Variants in CTNNA2 observed in about 807,000 individuals in gnomAD.
The protein encoded by CTNNA2 is catenin alpha-2.
CTNNA2 carries 42 observed loss-of-function variants against 101.0 expected under a neutral mutation model. The observed-to-expected ratio is 0.42, with a 90% confidence interval of 0.32 to 0.54. The LOEUF (loss-of-function observed/expected upper bound fraction) is 0.54, where lower values mean the gene tolerates loss of function less well. Among genes scored for constraint, CTNNA2 ranks in the 20% least tolerant of loss-of-function variants. The pLI is 0.14. For synonymous variants in CTNNA2, 450 were observed against 456.4 expected, an observed-to-expected ratio of 0.99 and a Z score of 0.18; for missense variants, 871 against 1,223.1, an observed-to-expected ratio of 0.71 and a Z score of 4.29.
At chr2:79,758,703 T>G (rs542907259) in intron 3 of CTNNA2, among the ~76,000 whole-genome samples, 5 of 152,320 alleles carry the variant, frequency 3.3e-5, no homozygotes, top group African/African-American at 9.6e-5. Flanking sequence ...GAAATTTGGT[T>G]TCCTGTTCCT....
intron 9 of CTNNA2, among the ~76,000 whole-genome samples, chr2:80,493,536 A>G (rs1189678962): frequency 6.6e-6 from 1 of 152,204 alleles, no homozygotes; most frequent in Non-Finnish European, 1.5e-5. Flanking sequence ...GACACTCACT[A>G]GCAGAATTCT....
At chr2:79,902,736 C>A (rs1479387816) in intron 6 of CTNNA2, among the ~76,000 whole-genome samples, 1 of 151,890 alleles carries the variant, frequency 6.6e-6, no homozygotes, top group East Asian at 1.9e-4. Context: ...AAGCAATTCT[C>A]CTGCCTCAGC....
intron 3 of CTNNA2, among the ~76,000 whole-genome samples, chr2:79,818,798 A>T: frequency 8.0e-6 from 1 of 125,088 alleles, no homozygotes; most frequent in African/African-American, 3.2e-5. Context: ...TCTGTATCAT[A>T]TACTTCAGGA....
intron 9 of CTNNA2, among the ~76,000 whole-genome samples, chr2:80,489,487 C>A (rs1391755064): frequency 6.6e-6 from 1 of 152,084 alleles, no homozygotes; most frequent in Non-Finnish European, 1.5e-5. Flanking sequence ...AGTAGATCAT[C>A]CTGAACATAT....
At chr2:80,591,455 C>CTTTTTTTTTTT (rs1553401282) in intron 15 of CTNNA2, among the ~76,000 whole-genome samples, 5 of 57,580 alleles carry the variant, frequency 8.7e-5, no homozygotes, top group African/African-American at 3.0e-4. Flanking sequence ...TCTGCACAGC[C>CTTTTTTTTTTT]TGTTTTTTTT....
At chr2:80,045,438 G>C (rs1441019847) in intron 7 of CTNNA2, among the ~76,000 whole-genome samples, 1 of 152,048 alleles carries the variant, frequency 6.6e-6, no homozygotes, top group Non-Finnish European at 1.5e-5. Context: ...TACCACAAGG[G>C]GTAACTCTTT....
At position 80,208,867 on chromosome 2, in the gene CTNNA2, G is replaced by A. The variant is rs79443777; in HGVS notation, c.1057-184344G>A. 4.8e-3 allele frequency among the ~76,000 whole-genome samples: 735 copies of A among 152,256 alleles called. 4 individuals carry two copies. Among genetic ancestry groups the A allele is most frequent in the African/African-American group, 0.016 (683 of 41,542 alleles). On this transcript the variant is annotated intron_variant, in intron 7 of 18. Transcript: ENST00000402739. The stretch of plus-strand genomic sequence containing the variant: ...TTATGCAAAGCCCCTGATGTTAATT[G>A]AAATATACCTAGGAGCATTTACACT...
At chr2:79,616,434 T>A (rs1240926984) in intron 1 of CTNNA2, among the ~76,000 whole-genome samples, 2 of 152,186 alleles carry the variant, frequency 1.3e-5, no homozygotes, top group African/African-American at 4.8e-5. Flanking sequence ...TTAAAGAATG[T>A]TAGTCTTGTT....
At chr2:79,671,210 A>T (rs1682813348) in intron 2 of CTNNA2, among the ~76,000 whole-genome samples, 1 of 152,264 alleles carries the variant, frequency 6.6e-6, no homozygotes, top group Admixed American at 6.5e-5. Flanking sequence ...AATGTGTTAA[A>T]ATGTTACAAG....
At position 79,373,175 on chromosome 2, in the gene CTNNA2, C is replaced by G. The variant is rs1573133340; in HGVS notation, c.-317-656C>G. 2.6e-5 allele frequency among the ~76,000 whole-genome samples: 4 copies of G among 152,232 alleles called. No homozygotes were observed. In the East Asian group the frequency reaches 7.7e-4, roughly 29 times the overall value. On this transcript the variant is annotated intron_variant, in intron 3 of 21. Transcript: ENST00000466387. ...ATTTTATTTTTTAGCTATCACAGCT[C>G]AAAACTAAATGTAGACGTGTGACTC...
intron 2 of CTNNA2, among the ~76,000 whole-genome samples, chr2:79,278,644 A>G (rs999908716): frequency 6.6e-6 from 1 of 152,118 alleles, no homozygotes; most frequent in East Asian, 1.9e-4. Flanking sequence ...ATTTAGATAT[A>G]AAATAAGCAT....
intron 4 of CTNNA2, among the ~76,000 whole-genome samples, chr2:79,502,479 C>T (rs1396228988): frequency 4.6e-5 from 7 of 152,120 alleles, no homozygotes; most frequent in Non-Finnish European, 1.0e-4. Context: ...CATAACACTC[C>T]CTTCATTCAG....
At chr2:80,392,049 C>G (rs926966211) in intron 7 of CTNNA2, among the ~76,000 whole-genome samples, 1 of 152,204 alleles carries the variant, frequency 6.6e-6, no homozygotes, top group Non-Finnish European at 1.5e-5. Context: ...AGAGTGACTA[C>G]TTTAAACCCA....
At chr2:80,271,639 G>A (rs1272737793) in intron 7 of CTNNA2, among the ~76,000 whole-genome samples, 1 of 152,036 alleles carries the variant, frequency 6.6e-6, no homozygotes, top group Non-Finnish European at 1.5e-5. Context: ...AGCCAGGATG[G>A]TCTCGATCTC....
intron 7 of CTNNA2, among the ~76,000 whole-genome samples, chr2:80,344,765 T>C (rs1465526895): frequency 3.3e-5 from 5 of 152,180 alleles, no homozygotes; most frequent in Non-Finnish European, 5.9e-5. Flanking sequence ...AGATTACAGG[T>C]GTGAGCCACA....
intron 7 of CTNNA2, among the ~76,000 whole-genome samples, chr2:80,384,724 A>G (rs1287629323): frequency 1.3e-5 from 2 of 151,976 alleles, no homozygotes; most frequent in Non-Finnish European, 2.9e-5. Context: ...ATTAAGATTT[A>G]GAGCTGGGTC....
chr2:79,497,238 C>T (rs1314607311), intron 4 of CTNNA2, among the ~76,000 whole-genome samples: 1 of 152,198 alleles, frequency 6.6e-6, no homozygotes, highest in African/African-American at 2.4e-5. Flanking sequence ...GCCCAGCTCA[C>T]AACGTCTCTC....
At chr2:80,617,873 G>A (rs1256877238) in intron 17 of CTNNA2, among the ~76,000 whole-genome samples, 2 of 151,792 alleles carry the variant, frequency 1.3e-5, no homozygotes, top group African/African-American at 4.8e-5. Flanking sequence ...ACAGGCTTTG[G>A]TTTTTAGCCA....
chr2:80,201,239 C>A (rs923199849), intron 7 of CTNNA2, among the ~76,000 whole-genome samples: 2 of 151,788 alleles, frequency 1.3e-5, no homozygotes, highest in African/African-American at 4.8e-5. Flanking sequence ...TGCTTGAATC[C>A]ATGGGTGTAT....
Sources: allele counts gnomAD v4.1 joint callset (sites outside exome capture counted in the v4.1 genomes callset), GRCh38; gene constraint gnomAD v4.1.1; transcripts MANE v1.5; gene names NCBI Gene and HGNC (gene_info 2026-07-23, HGNC 2026-07-21).